Variants in ANO10 observed in about 807,000 individuals in gnomAD.
ANO10 encodes anoctamin 10.
In ANO10, 77 loss-of-function variants were observed where a neutral mutation model predicts 74.7. The ratio of observed to expected loss-of-function variants is 1.03; its 90% CI spans 0.86 to 1.25. ANO10 has a LOEUF of 1.25. ANO10 is among the 50% of genes most tolerant of loss of function. ANO10 has a pLI of 0.00. For missense variants in ANO10, 721 were observed against 778.1 expected (o/e 0.93, Z 0.87); for synonymous variants, 279 against 284.9 (o/e 0.98, Z 0.21).
intron 11 of ANO10, among the ~76,000 whole-genome samples, chr3:43,477,867 T>C (rs2076127462): frequency 6.6e-6 from 1 of 152,094 alleles, no homozygotes; most frequent in African/African-American, 2.4e-5. Context: ...ACAGACCTCT[T>C]TGACTTTGGC....
chr3:43,473,770 A>G (rs1030901736), intron 11 of ANO10, among the ~76,000 whole-genome samples: 1 of 152,182 alleles, frequency 6.6e-6, no homozygotes, highest in Non-Finnish European at 1.5e-5. Flanking sequence ...GCACTTCAAC[A>G]TTGAATAAAT....
intron 12 of ANO10, among the ~76,000 whole-genome samples, chr3:43,401,778 G>A (rs578253606): frequency 1.3e-4 from 20 of 152,260 alleles, no homozygotes; most frequent in African/African-American, 4.3e-4. Flanking sequence ...TCCCATATCT[G>A]CTCACTTTCC....
chr3:43,519,187 C>T (rs1486512901), intron 11 of ANO10, among the ~76,000 whole-genome samples: 1 of 152,044 alleles, frequency 6.6e-6, no homozygotes, highest in East Asian at 1.9e-4. Flanking sequence ...GCTGGTTCCC[C>T]CAGTAGGCAA....
chr3:43,650,960 C>T (rs1314417196), intron 1 of ANO10, among the ~76,000 whole-genome samples: 2 of 152,144 alleles, frequency 1.3e-5, no homozygotes, highest in Non-Finnish European at 2.9e-5. Context: ...GAGGAAGCAC[C>T]TTTTGATAAA....
At chr3:43,461,920 GA>G (rs2075395507) in intron 11 of ANO10, among the ~76,000 whole-genome samples, 4 of 152,168 alleles carry the variant, frequency 2.6e-5, no homozygotes, top group Admixed American at 2.0e-4. Context: ...AAGATGATAG[GA>G]AAATGTGGGA....
chr3:43,547,745 T>G (rs1425057507), intron 11 of ANO10, among the ~76,000 whole-genome samples: 1 of 152,198 alleles, frequency 6.6e-6, no homozygotes, highest in East Asian at 1.9e-4. Context: ...TATAGGCCAG[T>G]AAGTCTCCCG....
intron 10 of ANO10, among the ~76,000 whole-genome samples, chr3:43,552,697 GAT>G (rs57438732): frequency 0.1 from 12,952 of 123,998 alleles, 626 homozygotes; most frequent in Middle Eastern, 0.12. Flanking sequence ...ATTATCTCTG[GAT>G]ATATATATAT....
intron 1 of ANO10, chr3:43,690,400 G>A (rs2084342336): frequency 6.6e-6 from 1 of 152,344 alleles, no homozygotes; most frequent in Admixed American, 6.5e-5. Context: ...GAGTCGAGTG[G>A]GAGGGAAATT....
intron 1 of ANO10, among the ~76,000 whole-genome samples, chr3:43,676,761 G>A (rs1169237931): frequency 6.6e-6 from 1 of 151,998 alleles, no homozygotes; most frequent in Non-Finnish European, 1.5e-5. Flanking sequence ...AACTGCATGT[G>A]AATCTGCAAT....
At chr3:43,563,895 A>G (rs1411342508) in intron 8 of ANO10, among the ~76,000 whole-genome samples, 1 of 152,292 alleles carries the variant, frequency 6.6e-6, no homozygotes, top group African/African-American at 2.4e-5. Context: ...ATCGAGAGGT[A>G]CAAACATACA....
chr3:43,647,149 A>G lies in ANO10; in HGVS notation c.-11-41286T>C, dbSNP rs911818589. On this transcript the variant is annotated intron_variant, in intron 1 of 3. Transcript: ENST00000413397. ...GAACCAGAACCAAAAAGATATGTGT[A>G]TATATGTGTGTGTGTGTGTGTGTGT... Among the ~76,000 whole-genome samples the G allele has an allele frequency of 2.8e-4, 25 of 90,172 alleles. 1 individual carries two copies. The highest frequency in any genetic ancestry group is 8.7e-4 in the East Asian group (2 of 2,286). 59.2% of individuals were successfully genotyped at this position (90,172 alleles called of 152,430 possible). A position where few individuals can be genotyped will look rare whatever the true frequency, so the allele number is the denominator to read the frequency against.
chr3:43,442,194 T>C (rs150040473), intron 11 of ANO10, among the ~76,000 whole-genome samples: 1 of 151,970 alleles, frequency 6.6e-6, no homozygotes, highest in East Asian at 1.9e-4. Flanking sequence ...TAAATAAAAA[T>C]AAATAAAAGG....
chr3:43,521,326 G>T (rs550367245), intron 11 of ANO10, among the ~76,000 whole-genome samples: 1 of 152,134 alleles, frequency 6.6e-6, no homozygotes, highest in East Asian at 1.9e-4. Context: ...TGAAAACAAG[G>T]CATAAATTTT....
chr3:43,414,415 T>C (rs1480888380), intron 12 of ANO10, among the ~76,000 whole-genome samples: 1 of 152,218 alleles, frequency 6.6e-6, no homozygotes, highest in African/African-American at 2.4e-5. Context: ...TCAAATCAAC[T>C]GCTCAGTGTA....
intron 11 of ANO10, among the ~76,000 whole-genome samples, chr3:43,527,383 A>G (rs1316653138): frequency 1.3e-5 from 2 of 152,174 alleles, no homozygotes; most frequent in African/African-American, 4.8e-5. Flanking sequence ...CACACTAAAC[A>G]GAAGATGAAG....
chr3:43,673,395 T>C (rs968093546), intron 1 of ANO10, among the ~76,000 whole-genome samples: 2 of 152,204 alleles, frequency 1.3e-5, no homozygotes, highest in Non-Finnish European at 2.9e-5. Context: ...AACATTAATG[T>C]CAGAGGAAAT....
chr3:43,595,419 T>C (rs982663455), intron 4 of ANO10, among the ~76,000 whole-genome samples: 1 of 152,132 alleles, frequency 6.6e-6, no homozygotes, highest in African/African-American at 2.4e-5. Flanking sequence ...TCCACCATGA[T>C]CAAGTGGGCT....
At chr3:43,621,502 T>G (rs1300952737) in intron 1 of ANO10, among the ~76,000 whole-genome samples, 2 of 151,622 alleles carry the variant, frequency 1.3e-5, no homozygotes, top group Admixed American at 6.6e-5. Context: ...AAACCACCCT[T>G]CACTCCGCTC....
chr3:43,518,672 G>A (rs762298260), intron 11 of ANO10, among the ~76,000 whole-genome samples: 7 of 152,196 alleles, frequency 4.6e-5, no homozygotes, highest in South Asian at 2.1e-4. Context: ...TAAAATGGCC[G>A]CTCTAGGAAT....
Sources: gnomAD v4.1 joint callset for allele counts (sites outside exome capture counted in the v4.1 genomes callset) on GRCh38, gnomAD v4.1.1 for gene constraint, MANE v1.5 for transcripts, NCBI Gene and HGNC (gene_info 2026-07-23, HGNC 2026-07-21) for gene names.